Variants in NEGR1 observed in about 807,000 individuals in gnomAD.
NEGR1 encodes the protein IgLON family member 4.
NEGR1 carries 10 observed loss-of-function variants against 40.9 expected under a neutral mutation model. The observed-to-expected ratio is 0.24, with a 90% CI of 0.15 to 0.42. NEGR1 has a LOEUF of 0.42. Among genes scored for constraint, NEGR1 ranks in the 10% least tolerant of loss-of-function variants. The probability of loss-of-function intolerance (pLI) is 1.00; values close to 1 mark genes in which losing one functional copy is unlikely to be tolerated. For missense variants in NEGR1, 352 were observed against 438.9 expected (o/e 0.80, Z 1.77); for synonymous variants, 185 against 166.8 (o/e 1.11, Z -0.84).
intron 4 of NEGR1, among the ~76,000 whole-genome samples, chr1:71,686,431 T>C (rs1653040815): frequency 6.6e-6 from 1 of 152,128 alleles, no homozygotes; most frequent in African/African-American, 2.4e-5. Flanking sequence ...CAAGGGCAGC[T>C]TTGTTATCTT....
chr1:71,398,621 G>A lies in NEGR1; in HGVS notation c.*8825C>T, dbSNP rs1646226962. The A allele has an allele frequency of 6.6e-6, 1 of 152,216 alleles. No individual in the cohort carries two copies. Among genetic ancestry groups the A allele is most frequent in the Admixed American group, 6.5e-5 (1 of 15,274 alleles). 9.4% of individuals were successfully genotyped at this position (152,216 alleles called of 1,614,324 possible). ...AGAAGAGACTTGCCTTGTCTCAGAT[G>A]AGACTTTAGACTGTGGACTTTTGAG... On this transcript the variant is annotated 3_prime_UTR_variant, in exon 7 of 7. Transcript: ENST00000357731.
At chr1:72,176,340 G>C (rs1290557356) in intron 1 of NEGR1, among the ~76,000 whole-genome samples, 1 of 151,962 alleles carries the variant, frequency 6.6e-6, no homozygotes, top group African/African-American at 2.4e-5. Flanking sequence ...AGCATTCATA[G>C]ACCAATCACT....
intron 1 of NEGR1, among the ~76,000 whole-genome samples, chr1:72,140,953 AAT>A (rs1465303535): frequency 6.6e-6 from 1 of 152,072 alleles, no homozygotes; most frequent in Admixed American, 6.6e-5. Flanking sequence ...AGCATTACCT[AAT>A]ATGTGTTAGA....
At chr1:72,024,782 G>A (rs1328192444) in intron 1 of NEGR1, among the ~76,000 whole-genome samples, 1 of 152,138 alleles carries the variant, frequency 6.6e-6, no homozygotes, top group East Asian at 1.9e-4. Flanking sequence ...ATTGTGAAAC[G>A]TGAGAATGCT....
At chr1:71,536,082 G>A (rs190523780) in intron 6 of NEGR1, among the ~76,000 whole-genome samples, 139 of 151,662 alleles carry the variant, frequency 9.2e-4, no homozygotes, top group African/African-American at 2.9e-3. Flanking sequence ...TTAGACTTAA[G>A]GGAAAATTCA....
At chr1:72,178,261 T>C (rs1400464374) in intron 1 of NEGR1, among the ~76,000 whole-genome samples, 3 of 152,022 alleles carry the variant, frequency 2.0e-5, no homozygotes, top group East Asian at 1.9e-4. Flanking sequence ...ATCATATATG[T>C]TGAATTTGTG....
intron 3 of NEGR1, among the ~76,000 whole-genome samples, chr1:71,719,743 A>G (rs1654437411): frequency 6.6e-6 from 1 of 152,038 alleles, no homozygotes; most frequent in Non-Finnish European, 1.5e-5. Flanking sequence ...CGTCATTTAC[A>G]TTAGGTATTT....
chr1:71,945,355 T>C (rs1289179273), intron 1 of NEGR1, among the ~76,000 whole-genome samples: 1 of 152,148 alleles, frequency 6.6e-6, no homozygotes, highest in East Asian at 1.9e-4. Context: ...CCTACATCCC[T>C]GTGGTTAACT....
intron 4 of NEGR1, among the ~76,000 whole-genome samples, chr1:71,692,387 C>G (rs1038287970): frequency 2.0e-5 from 3 of 151,352 alleles, no homozygotes; most frequent in Admixed American, 6.6e-5. Context: ...TAAAATGGAT[C>G]CAGAAATAAA....
intron 2 of NEGR1, among the ~76,000 whole-genome samples, chr1:71,861,074 T>C (rs1284242492): frequency 6.6e-6 from 1 of 152,062 alleles, no homozygotes; most frequent in Non-Finnish European, 1.5e-5. Context: ...TTATTACCTG[T>C]AAATGACAGA....
intron 6 of NEGR1, chr1:71,489,990 C>T (rs913808745): frequency 1.3e-5 from 2 of 151,860 alleles, no homozygotes; most frequent in African/African-American, 4.8e-5. Flanking sequence ...AATTGAATTG[C>T]ATTATTACTT....
chr1:72,108,699 A>C (rs999729752), intron 1 of NEGR1, among the ~76,000 whole-genome samples: 1 of 151,610 alleles, frequency 6.6e-6, no homozygotes, highest in Non-Finnish European at 1.5e-5. Context: ...AATAGACCTT[A>C]GGAATCAGAT....
intron 2 of NEGR1, among the ~76,000 whole-genome samples, chr1:71,818,451 T>C (rs1484654277): frequency 6.6e-6 from 1 of 151,954 alleles, no homozygotes; most frequent in African/African-American, 2.4e-5. Context: ...AAATACCACA[T>C]GTTCTCACTT....
chr1:71,433,448 T>C (rs983048515), intron 6 of NEGR1, among the ~76,000 whole-genome samples: 1 of 152,162 alleles, frequency 6.6e-6, no homozygotes, highest in African/African-American at 2.4e-5. Context: ...GCACAGTGTA[T>C]TAGTTCATTT....
At chr1:72,189,362 T>G (rs570519882) in intron 1 of NEGR1, among the ~76,000 whole-genome samples, 1 of 151,536 alleles carries the variant, frequency 6.6e-6, no homozygotes, top group East Asian at 1.9e-4. Flanking sequence ...ATATTAATCT[T>G]ATACTCTTTC....
chr1:71,722,154 G>C (rs1654529874), intron 3 of NEGR1, among the ~76,000 whole-genome samples: 2 of 152,040 alleles, frequency 1.3e-5, no homozygotes, highest in African/African-American at 4.8e-5. Context: ...ATAGATTGAG[G>C]AGGCATGAGT....
chr1:72,116,289 C>A (rs1226265836), intron 1 of NEGR1, among the ~76,000 whole-genome samples: 1 of 151,738 alleles, frequency 6.6e-6, no homozygotes, highest in African/African-American at 2.4e-5. Flanking sequence ...AAGCCATAAA[C>A]TTTAAGTTAA....
chr1:71,732,163 C>T (rs1654894631), intron 3 of NEGR1, among the ~76,000 whole-genome samples: 1 of 152,038 alleles, frequency 6.6e-6, no homozygotes, highest in Non-Finnish European at 1.5e-5. Context: ...CAGAAATTAG[C>T]TGGACATGGT....
intron 1 of NEGR1, among the ~76,000 whole-genome samples, chr1:72,143,324 A>G (rs1355027603): frequency 6.6e-6 from 1 of 152,086 alleles, no homozygotes; most frequent in Admixed American, 6.6e-5. Flanking sequence ...AGATTTCCCC[A>G]AGATTGGCCT....
Sources: allele counts gnomAD v4.1 joint callset (sites outside exome capture counted in the v4.1 genomes callset), GRCh38; gene constraint gnomAD v4.1.1; transcripts MANE v1.5; gene names NCBI Gene and HGNC (gene_info 2026-07-23, HGNC 2026-07-21).